The following CACNA2D1 variants were observed in gnomAD, a reference collection of about 807,000 sequenced individuals.
CACNA2D1 encodes voltage-dependent calcium channel subunit alpha-2/delta-1.
Under a neutral mutation model 171.5 loss-of-function variants are expected in CACNA2D1, and 53 were observed. The observed-to-expected ratio is 0.31, with a 90% CI of 0.25 to 0.39. The LOEUF (loss-of-function observed/expected upper bound fraction) is 0.39. Among genes scored for constraint, CACNA2D1 ranks in the 10% least tolerant of loss-of-function variants. The pLI, the probability that CACNA2D1 is intolerant of heterozygous loss-of-function variation, is 1.00. For missense variants in CACNA2D1, 903 were observed against 1,299.8 expected (o/e 0.69, Z 4.69); for synonymous variants, 442 against 443.1 (o/e 1.00, Z 0.03).
chr7:82,311,404 C>T (rs1057256809), intron 3 of CACNA2D1, among the ~76,000 whole-genome samples: 1 of 151,640 alleles, frequency 6.6e-6, no homozygotes, highest in Admixed American at 6.6e-5. Context: ...AAATTGCTAA[C>T]CTAGTATCAA....
intron 3 of CACNA2D1, among the ~76,000 whole-genome samples, chr7:82,227,847 A>G (rs1449379137): frequency 1.3e-5 from 2 of 152,210 alleles, no homozygotes; most frequent in Admixed American, 6.5e-5. Context: ...CATACTAAGT[A>G]TAATAAATAA....
intron 3 of CACNA2D1, among the ~76,000 whole-genome samples, chr7:82,194,306 C>G (rs796647104): frequency 6.6e-6 from 1 of 151,976 alleles, no homozygotes; most frequent in Admixed American, 6.6e-5. Flanking sequence ...GATAACAAAC[C>G]TCATTTTGCT....
intron 1 of CACNA2D1, among the ~76,000 whole-genome samples, chr7:82,403,467 C>T (rs1000851218): frequency 6.6e-6 from 1 of 152,176 alleles, no homozygotes; most frequent in Non-Finnish European, 1.5e-5. Flanking sequence ...TCTTTCTCTC[C>T]AATTGTTCTC....
intron 4 of CACNA2D1, among the ~76,000 whole-genome samples, chr7:82,143,881 C>CT (rs1792684464): frequency 6.6e-6 from 1 of 152,152 alleles, no homozygotes; most frequent in Admixed American, 6.6e-5. Flanking sequence ...TTTAAAAACT[C>CT]TAACAAACAT....
At chr7:82,089,161 CCT>C (rs901023561) in intron 6 of CACNA2D1, among the ~76,000 whole-genome samples, 3 of 152,050 alleles carry the variant, frequency 2.0e-5, no homozygotes, top group Admixed American at 6.5e-5. Context: ...CCTCCCTACC[CCT>C]GACAAATAGT....
At position 82,097,430 on chromosome 7, in the gene CACNA2D1, T is replaced by A. The variant is rs189128225; in HGVS notation, c.527-12530A>T. 3.2e-3 allele frequency among the ~76,000 whole-genome samples: 479 copies of A among 151,856 alleles called. 1 individual carries two copies. The highest frequency in any genetic ancestry group is 9.6e-3 in the South Asian group (46 of 4,788). ...CCATTCTGAACTAAAACAGCGGTGG[T>A]GGATATAGAGAGTGGAAAGAGATTA... On this transcript the variant is annotated intron_variant, in intron 6 of 38. Transcript: ENST00000356860.
chr7:82,378,258 G>C (rs1318318933), intron 1 of CACNA2D1, among the ~76,000 whole-genome samples: 2 of 152,062 alleles, frequency 1.3e-5, no homozygotes, highest in African/African-American at 2.4e-5. Flanking sequence ...AATTAGCTGG[G>C]CGTGGTGGCA....
rs149859139 is a variant in CACNA2D1, at chr7:82,434,325, C to T, written c.95+9040G>A. Among the ~76,000 whole-genome samples, 252 of 152,180 alleles carry T rather than the reference C, an allele frequency of 1.7e-3. 1 individual carries two copies. The highest frequency in any genetic ancestry group is 5.7e-3 in the African/African-American group (236 of 41,534). On this transcript the variant is annotated intron_variant, in intron 1 of 38. Transcript: ENST00000356860. ...TCCCAAACGGCCTAATATTAACTTA[C>T]TATTTATTGTTTTTTCTTAACTTTT...
chr7:81,998,284 T>A (rs1798251438), intron 18 of CACNA2D1, among the ~76,000 whole-genome samples: 1 of 152,006 alleles, frequency 6.6e-6, no homozygotes, highest in Non-Finnish European at 1.5e-5. Flanking sequence ...ATTACCTAAA[T>A]CTGATAACTA....
chr7:82,061,513 G>T (rs1307943449), intron 9 of CACNA2D1, among the ~76,000 whole-genome samples: 1 of 152,116 alleles, frequency 6.6e-6, no homozygotes, highest in Non-Finnish European at 1.5e-5. Context: ...CGACTAAATA[G>T]CCAGAAATCT....
intron 3 of CACNA2D1, among the ~76,000 whole-genome samples, chr7:82,290,165 C>A (rs1172586919): frequency 6.6e-6 from 1 of 152,036 alleles, no homozygotes; most frequent in Admixed American, 6.6e-5. Flanking sequence ...CTAATATATT[C>A]CAGGTAAGAG....
At chr7:82,235,625 G>T (rs1317684249) in intron 3 of CACNA2D1, among the ~76,000 whole-genome samples, 3 of 152,094 alleles carry the variant, frequency 2.0e-5, no homozygotes, top group Non-Finnish European at 4.4e-5. Flanking sequence ...ATTGATGCAA[G>T]TTCTTAGACT....
At chr7:82,398,927 C>T (rs1037571387) in intron 1 of CACNA2D1, among the ~76,000 whole-genome samples, 9 of 151,808 alleles carry the variant, frequency 5.9e-5, no homozygotes, top group African/African-American at 2.2e-4. Context: ...TTCCTTCCTT[C>T]CATCCTTCTT....
At position 82,386,735 on chromosome 7, in the gene CACNA2D1, A is replaced by AAAATAAAT. The variant is rs200338716; in HGVS notation, c.96-37094_96-37087dup. ...GCAATAAGAGCAAAACTCTGTCTCA[A>AAAATAAAT]AAATAAATAAATAAATAAATAAATA... On this transcript the variant is annotated intron_variant, in intron 1 of 38. Coordinates refer to ENST00000356860, the MANE Select transcript of CACNA2D1 (RefSeq NM_000722.4). 6.6e-3 allele frequency among the ~76,000 whole-genome samples: 971 copies of AAAATAAAT among 146,256 alleles called. 7 individuals carry two copies. Among genetic ancestry groups the AAAATAAAT allele is most frequent in the East Asian group, 9.9e-3 (49 of 4,954 alleles).
chr7:82,298,456 ACT>A (rs1812570799), intron 3 of CACNA2D1, among the ~76,000 whole-genome samples: 1 of 151,958 alleles, frequency 6.6e-6, no homozygotes, highest in African/African-American at 2.4e-5. Flanking sequence ...GACCGTATTT[ACT>A]CTCTTTACTT....
chr7:82,015,802 G>T (rs1800372711), intron 12 of CACNA2D1, among the ~76,000 whole-genome samples: 1 of 152,224 alleles, frequency 6.6e-6, no homozygotes. Context: ...AATCTCAAAA[G>T]AGATTTCACA....
At chr7:82,071,206 C>T in intron 7 of CACNA2D1, among the ~76,000 whole-genome samples, 1 of 152,140 alleles carries the variant, frequency 6.6e-6, no homozygotes, top group East Asian at 1.9e-4. Flanking sequence ...CTCAAGCACA[C>T]CCCTGCAGAT....
chr7:82,286,051 C>T (rs1394672555), intron 3 of CACNA2D1, among the ~76,000 whole-genome samples: 2 of 152,088 alleles, frequency 1.3e-5, no homozygotes, highest in African/African-American at 4.8e-5. Context: ...TCTGTCTCTG[C>T]TCTGCCACGC....
At chr7:82,425,093 T>C (rs1829056722) in intron 1 of CACNA2D1, among the ~76,000 whole-genome samples, 1 of 152,206 alleles carries the variant, frequency 6.6e-6, no homozygotes, top group Non-Finnish European at 1.5e-5. Flanking sequence ...AACACGATTC[T>C]GCAGATGGAA....
Sources: allele counts gnomAD v4.1 joint callset (sites outside exome capture counted in the v4.1 genomes callset), GRCh38; gene constraint gnomAD v4.1.1; transcripts MANE v1.5; gene names NCBI Gene and HGNC (gene_info 2026-07-23, HGNC 2026-07-21).